Variants in CD244 observed in about 807,000 individuals in gnomAD.
The protein encoded by CD244 is CD244 molecule.
In CD244, 20 loss-of-function variants were observed where a neutral mutation model predicts 45.5. The ratio of observed to expected loss-of-function variants is 0.44; its 90% CI spans 0.31 to 0.64. The LOEUF is 0.64. CD244 is among the 30% of genes least tolerant of loss of function. CD244 has a pLI of 0.08. For missense variants in CD244, 407 were observed against 426.9 expected (o/e 0.95, Z 0.41); for synonymous variants, 185 against 160.5 (o/e 1.15, Z -1.15).
Position 160,841,394 on chromosome 1 carries a change from A to G in CD244, c.471T>C (p.Asp157=), listed in dbSNP as rs542223030. 3.7e-6 allele frequency: 6 copies of G among 1,614,200 alleles called. No homozygotes were observed. The highest frequency in any genetic ancestry group is 3.3e-5 in the Admixed American group (2 of 60,034). Reference sequence around the variant, plus strand: ...TGTACCAAGCATAGGACACATTGCCATCCCTGGAGACCAAGCAAGACAGAG... The same window carrying G: ...TGTACCAAGCATAGGACACATTGCCGTCCCTGGAGACCAAGCAAGACAGAG... ...QVALSCLVSR[D]GNVSYAWYRG... Residue 157 remains aspartate, a synonymous_variant, in exon 3 of 9, where the codon GAT becomes GAC. Transcript: ENST00000368034.
chr1:160,861,171 T>C (rs1288011470), intron 1 of CD244, among the ~76,000 whole-genome samples: 1 of 151,464 alleles, frequency 6.6e-6, no homozygotes, highest in Non-Finnish European at 1.5e-5. Context: ...GGTTCCAACC[T>C]AGCTCTCCTG....
At position 160,849,808 on chromosome 1, in the gene CD244, T is replaced by A. The variant is rs144179624; in HGVS notation, c.62-7907A>T. Among the ~76,000 whole-genome samples the A allele has an allele frequency of 1.2e-3, 189 of 152,130 alleles. 2 individuals carry two copies. The East Asian group carries it at 0.03, about 24-fold the overall frequency. ...TGGGCAGCTCACCTGAGGTCAGGAG[T>A]TCGAGACCAGCCTGGCCAACACAGT... is the stretch of plus-strand genomic sequence containing the variant. On this transcript the variant is annotated intron_variant, in intron 1 of 8. Transcript: ENST00000368034.
chr1:160,861,464 T>C (rs751935419), intron 1 of CD244, among the ~76,000 whole-genome samples: 10 of 152,192 alleles, frequency 6.6e-5, no homozygotes, highest in Non-Finnish European at 2.9e-5. Context: ...CCCCTCTTTG[T>C]GCCCAGAGTG....
At chr1:160,845,144 T>C (rs1435938660) in intron 1 of CD244, among the ~76,000 whole-genome samples, 1 of 152,152 alleles carries the variant, frequency 6.6e-6, no homozygotes, top group East Asian at 1.9e-4. Flanking sequence ...TGTTTTAAAC[T>C]ACTGGATTTT....
chr1:160,833,430 C>G (rs946184475), intron 7 of CD244, among the ~76,000 whole-genome samples: 17 of 152,226 alleles, frequency 1.1e-4, no homozygotes, highest in Non-Finnish European at 2.4e-4. Flanking sequence ...GAACACCACT[C>G]TTCCCATCCC....
At chr1:160,862,461 C>T (rs1038359481) in intron 1 of CD244, among the ~76,000 whole-genome samples, 156 bp downstream of exon 1, 3 of 152,226 alleles carry the variant, frequency 2.0e-5, no homozygotes, top group African/African-American at 7.2e-5. Context: ...CCAGCCTGTC[C>T]TGTCTGATTT....
chr1:160,853,727 T>C (rs1386603049), intron 1 of CD244, among the ~76,000 whole-genome samples: 3 of 138,790 alleles, frequency 2.2e-5, no homozygotes, highest in South Asian at 4.4e-4. Context: ...GGGGTTGCAG[T>C]GAGCCATGAC....
rs897253957 is a variant in CD244 at position 160,834,034 on chromosome 1, C to G, written c.960+17G>C. 6.3e-6 allele frequency: 10 copies of G among 1,590,832 alleles called. No homozygotes were observed. The highest frequency in any genetic ancestry group is 8.6e-6 in the Non-Finnish European group (10 of 1,159,016). ...TACATCAACAACACCCCACCACCAC[C>G]ACGGGAAGAGGCTCACCTTCCTGGA... On this transcript the variant is annotated intron_variant, in intron 7 of 8. Transcript: ENST00000368034.
chr1:160,848,405 A>G, intron 1 of CD244: 1 of 557,408 alleles, frequency 1.8e-6, no homozygotes, highest in South Asian at 1.4e-5. Flanking sequence ...TGGCAAGTTG[A>G]AAGGGGGCAT....
chr1:160,838,806 G>A (rs963375581), intron 4 of CD244, 133 bp downstream of exon 4: 23 of 656,120 alleles, frequency 3.5e-5, no homozygotes, highest in Admixed American at 2.0e-4. Flanking sequence ...CCGCCACCAC[G>A]CACACAAACA....
chr1:160,838,342 C>T (rs141452027), intron 5 of CD244, 109 bp downstream of exon 5: 1 of 844,550 alleles, frequency 1.2e-6, no homozygotes, highest in African/African-American at 1.7e-5. Flanking sequence ...AGGGTCACAT[C>T]AAAAGGACAG....
intron 1 of CD244, among the ~76,000 whole-genome samples, chr1:160,854,253 C>T (rs982902168): frequency 3.3e-5 from 5 of 152,142 alleles, no homozygotes; most frequent in African/African-American, 4.8e-5. Flanking sequence ...TGAAAAATAA[C>T]GTAAACTCCC....
intron 7 of CD244, among the ~76,000 whole-genome samples, chr1:160,833,477 A>G (rs1056099228): frequency 1.3e-5 from 2 of 152,180 alleles, no homozygotes; most frequent in African/African-American, 4.8e-5. Flanking sequence ...CATGTGTACC[A>G]GGATACCCAA....
Position 160,834,082 on chromosome 1 carries a change from G to C in CD244, c.929C>G (p.Thr310Arg). 6.2e-7 allele frequency: 1 copy of C among 1,611,984 alleles called. No individual in the cohort carries two copies. The highest frequency in any genetic ancestry group is 8.5e-7 in the Non-Finnish European group (1 of 1,178,030). Reference protein sequence around the residue: ...SAPTSQEPAYTLYSLIQPSRK... With the variant: ...SAPTSQEPAYRLYSLIQPSRK... ...GGAAGGCTGAATTAATGAATATAAT[G>C]TATATGCAGGTTCTTGTGACGTGGG... Residue 310 changes from threonine (T) to arginine (R), a missense_variant, in exon 7 of 9, where the codon ACA (threonine) becomes AGA (arginine). Coordinates refer to ENST00000368034, the MANE Select transcript of CD244 (RefSeq NM_016382.4).
At chr1:160,840,561 C>T (rs3766381) in intron 3 of CD244, among the ~76,000 whole-genome samples, 8,348 of 152,194 alleles carry the variant, frequency 0.055, 662 homozygotes, top group African/African-American at 0.18. Flanking sequence ...CCCGGCCTGC[C>T]TCAGTCTTGT....
In CD244 at chr1:160,841,283, G is replaced by A. The variant is rs765661889; in HGVS notation, c.582C>T (p.Cys194=). 3 of 1,614,142 alleles carry A rather than the reference G, an allele frequency of 1.9e-6. No homozygotes were observed. The South Asian group carries it at 3.3e-5, about 18-fold the overall frequency. Reference sequence around the variant, plus strand: ...CCCAGCTAACAGGATTGCTGACATTGCAGGTATATGTGTGAGTGCCATTAA... The same window carrying A: ...CCCAGCTAACAGGATTGCTGACATTACAGGTATATGTGTGAGTGCCATTAA... ...VDINGTHTYT[C]NVSNPVSWES... The change falls in exon 3 of 9, where the codon TGC becomes TGT. Residue 194 remains cysteine (C), a synonymous_variant. Transcript: ENST00000368034.
At chr1:160,848,360 G>A (rs1285572125) in intron 1 of CD244, 10 of 572,346 alleles carry the variant, frequency 1.7e-5, no homozygotes, top group African/African-American at 5.6e-5. Flanking sequence ...CTACATTGCC[G>A]AGACTGAATG....
At chr1:160,833,933 A>C (rs1669227584) in intron 7 of CD244, 118 bp downstream of exon 7, 1 of 703,400 alleles carries the variant, frequency 1.4e-6, no homozygotes, top group Non-Finnish European at 2.6e-6. Flanking sequence ...GAAGCTACTC[A>C]GATACACACA....
intron 1 of CD244, among the ~76,000 whole-genome samples, chr1:160,857,261 C>T (rs188044146): frequency 5.1e-4 from 77 of 152,348 alleles, no homozygotes; most frequent in Non-Finnish European, 8.1e-4. Flanking sequence ...AGTTTGACAG[C>T]ATCTGCTAGA....
Sources: allele counts gnomAD v4.1 joint callset (sites outside exome capture counted in the v4.1 genomes callset), GRCh38; gene constraint gnomAD v4.1.1; transcripts MANE v1.5; gene names NCBI Gene and HGNC (gene_info 2026-07-23, HGNC 2026-07-21).